NCALD: variants seen among roughly 807,000 people sequenced by gnomAD.
The protein encoded by NCALD is neurocalcin delta.
In NCALD, 10 loss-of-function variants were observed where a neutral mutation model predicts 18.6. The observed-to-expected ratio is 0.54, with a 90% CI of 0.33 to 0.91. NCALD has a LOEUF of 0.91. Among genes scored for constraint, NCALD ranks in the 40% least tolerant of loss-of-function variants. The pLI is 0.03. For synonymous variants in NCALD, 88 were observed against 87.4 expected (o/e 1.01, Z -0.04); for missense variants, 184 against 247.6 (o/e 0.74, Z 1.72).
intron 3 of NCALD, among the ~76,000 whole-genome samples, chr8:101,892,851 T>C (rs1191019854): frequency 6.7e-6 from 1 of 149,120 alleles, no homozygotes; most frequent in Non-Finnish European, 1.5e-5. Context: ...CTCCAAGAAA[T>C]ATGGGACTAT....
At chr8:101,770,925 T>C (rs911254482) in intron 1 of NCALD, among the ~76,000 whole-genome samples, 5 of 152,196 alleles carry the variant, frequency 3.3e-5, no homozygotes, top group South Asian at 2.1e-4. Flanking sequence ...ATTTTATGCA[T>C]TGTTATGTGT....
chr8:101,951,438 G>A (rs1819417649), intron 2 of NCALD, among the ~76,000 whole-genome samples: 1 of 152,144 alleles, frequency 6.6e-6, no homozygotes, highest in Admixed American at 6.5e-5. Context: ...TTAGAGAAGA[G>A]GCCATGCTCC....
At chr8:101,781,908 T>A (rs12677525) in intron 1 of NCALD, among the ~76,000 whole-genome samples, 116,337 of 151,588 alleles carry the variant, frequency 0.77, 44,707 homozygotes, top group East Asian at 0.83. Flanking sequence ...TGCCAGACAC[T>A]TATATTGATG....
chr8:101,691,357 C>T, intron 3 of NCALD: 1 of 985,372 alleles, frequency 1.0e-6, no homozygotes, highest in Non-Finnish European at 1.2e-6. Context: ...TCTGAGAATG[C>T]TAACTCAGTC....
chr8:102,036,994 G>A (rs1338427849), intron 1 of NCALD, among the ~76,000 whole-genome samples: 1 of 151,954 alleles, frequency 6.6e-6, no homozygotes, highest in Admixed American at 6.6e-5. Context: ...TTTTTAGTCG[G>A]CACACAAAAA....
intron 2 of NCALD, among the ~76,000 whole-genome samples, chr8:101,932,613 T>A (rs1463936833): frequency 6.6e-6 from 1 of 151,966 alleles, no homozygotes; most frequent in Non-Finnish European, 1.5e-5. Context: ...AATACAAGAG[T>A]ACACGAGAGA....
Position 101,951,675 on chromosome 8 carries a change from T to A in NCALD, c.-156-35817A>T, listed in dbSNP as rs537915950. On this transcript the variant is annotated intron_variant, in intron 2 of 6. Transcript: ENST00000311028. ...CCCAGTGCCTGGTACTCAGCAAATG[T>A]TTCTTGAACAAATAAATAAATGGTC... is the stretch of plus-strand genomic sequence containing the variant. 5.3e-5 allele frequency among the ~76,000 whole-genome samples: 8 copies of A among 152,348 alleles called. No individual in the cohort carries two copies. The East Asian group carries it at 1.5e-3, about 29-fold the overall frequency.
At position 102,094,801 on chromosome 8, in the gene NCALD, AGAGAT is replaced by A. The variant is rs1587069935; in HGVS notation, c.-210+29431_-210+29435del. Among the ~76,000 whole-genome samples, 4 of 152,344 alleles carry A rather than the reference AGAGAT, an allele frequency of 2.6e-5. No individual in the cohort carries two copies. The East Asian group carries it at 7.7e-4, about 29-fold the overall frequency. On this transcript the variant is annotated intron_variant, in intron 1 of 6. Transcript: ENST00000311028. ...AAGGGAAATCTGGACCCAGACATAC[AGAGAT>A]AAGAATGTCATAGGAAGATGGAGAC...
intron 1 of NCALD, among the ~76,000 whole-genome samples, chr8:102,107,538 C>G (rs1825514004): frequency 2.0e-5 from 3 of 152,040 alleles, no homozygotes; most frequent in Admixed American, 2.0e-4. Context: ...CAGAAGAGGG[C>G]TAAGGAAAGA....
At chr8:101,710,953 C>T (rs1224536220) in intron 2 of NCALD, among the ~76,000 whole-genome samples, 1 of 152,216 alleles carries the variant, frequency 6.6e-6, no homozygotes, top group Non-Finnish European at 1.5e-5. Context: ...TCCCTGACCC[C>T]CGAGGCTCCT....
chr8:101,922,542 T>C (rs1818204462), intron 2 of NCALD, among the ~76,000 whole-genome samples: 1 of 152,220 alleles, frequency 6.6e-6, no homozygotes, highest in South Asian at 2.1e-4. Flanking sequence ...AGTATATATT[T>C]CATTCTTCAT....
chr8:101,744,150 A>G (rs1433656804), intron 1 of NCALD, among the ~76,000 whole-genome samples: 1 of 152,050 alleles, frequency 6.6e-6, no homozygotes, highest in Non-Finnish European at 1.5e-5. Context: ...AGCTCCTACC[A>G]TCTTTGGCAT....
intron 3 of NCALD, among the ~76,000 whole-genome samples, chr8:101,893,302 C>G (rs1816992991): frequency 6.6e-6 from 1 of 150,916 alleles, no homozygotes; most frequent in Admixed American, 6.6e-5. Context: ...ACTTTACAGA[C>G]AAGCAAATGC....
At chr8:101,936,367 C>A (rs776060605) in intron 2 of NCALD, among the ~76,000 whole-genome samples, 2 of 151,974 alleles carry the variant, frequency 1.3e-5, no homozygotes, top group African/African-American at 2.4e-5. Flanking sequence ...AAGGCATATG[C>A]AAAGCAGTGA....
chr8:101,791,103 A>C (rs1812427847), upstream of NCALD: 1 of 152,244 alleles, frequency 6.6e-6, no homozygotes, highest in Non-Finnish European at 1.5e-5. Context: ...TCAATAGGTC[A>C]TCTGTCACTG....
At chr8:101,753,245 G>A (rs1051986961) in intron 1 of NCALD, among the ~76,000 whole-genome samples, 6 of 152,172 alleles carry the variant, frequency 3.9e-5, no homozygotes, top group African/African-American at 1.4e-4. Context: ...AGGGCTGACT[G>A]GTGGATGAAG....
At chr8:101,945,916 G>A (rs1171229300) in intron 2 of NCALD, among the ~76,000 whole-genome samples, 1 of 152,132 alleles carries the variant, frequency 6.6e-6, no homozygotes, top group Non-Finnish European at 1.5e-5. Context: ...TCCTTTTTCT[G>A]CAGGCACAAA....
chr8:101,950,164 C>T (rs1254732654), intron 2 of NCALD: 1 of 152,316 alleles, frequency 6.6e-6, no homozygotes, highest in Non-Finnish European at 1.5e-5. Context: ...CAGGCATAAA[C>T]CCACAAGGAC....
chr8:101,951,036 G>A (rs1421985069), intron 2 of NCALD, among the ~76,000 whole-genome samples: 15 of 152,172 alleles, frequency 9.9e-5, no homozygotes, highest in Admixed American at 9.8e-4. Flanking sequence ...GCAGGTGCTA[G>A]ACCAAGCCAT....
Sources: gnomAD v4.1 joint callset for allele counts (sites outside exome capture counted in the v4.1 genomes callset) on GRCh38, gnomAD v4.1.1 for gene constraint, MANE v1.5 for transcripts, NCBI Gene and HGNC (gene_info 2026-07-23, HGNC 2026-07-21) for gene names.